CRTC3: variants seen among roughly 807,000 people sequenced by gnomAD.
CRTC3 encodes the protein CREB regulated transcription coactivator 3, also known as CREB-regulated transcription coactivator 3.
CRTC3 carries 26 observed loss-of-function variants against 74.5 expected under a neutral mutation model. That is an observed-to-expected ratio of 0.35 (90% CI 0.26 to 0.48). The LOEUF (loss-of-function observed/expected upper bound fraction) is 0.48. CRTC3 is among the 20% of genes least tolerant of loss of function. The pLI is 0.99. For missense variants in CRTC3, 760 were observed against 787.3 expected (o/e 0.97, Z 0.41); for synonymous variants, 377 against 325.8 (o/e 1.16, Z -1.69).
intron 11 of CRTC3, among the ~76,000 whole-genome samples, chr15:90,633,441 C>T (rs1386672439): frequency 6.6e-6 from 1 of 152,114 alleles, no homozygotes; most frequent in Non-Finnish European, 1.5e-5. Flanking sequence ...ATAATTTTCC[C>T]TTGGCATCTA....
At chr15:90,573,101 T>C (rs542255236) in intron 2 of CRTC3, among the ~76,000 whole-genome samples, 12 of 152,324 alleles carry the variant, frequency 7.9e-5, no homozygotes, top group African/African-American at 2.9e-4. Flanking sequence ...CTACTTTCTG[T>C]TTCTATGAAT....
chr15:90,612,233 C>G (rs778744139), intron 6 of CRTC3, among the ~76,000 whole-genome samples: 1 of 152,070 alleles, frequency 6.6e-6, no homozygotes, highest in East Asian at 1.9e-4. Flanking sequence ...CCAGAACTTA[C>G]TAGCAGTGTG....
intron 2 of CRTC3, among the ~76,000 whole-genome samples, chr15:90,591,309 A>T (rs1032450598): frequency 6.6e-6 from 1 of 151,640 alleles, no homozygotes; most frequent in East Asian, 1.9e-4. Context: ...TTGTAGAGAC[A>T]GGGTCTCACT....
intron 11 of CRTC3, among the ~76,000 whole-genome samples, chr15:90,632,851 C>T (rs1321874510): frequency 1.3e-5 from 2 of 152,200 alleles, no homozygotes; most frequent in African/African-American, 4.8e-5. Context: ...GCAGTCTGCC[C>T]GCCTCGGCGT....
chr15:90,643,397 T>C lies in CRTC3; in HGVS notation c.*1257T>C, dbSNP rs555073249. On this transcript the variant is annotated 3_prime_UTR_variant, in exon 15 of 15. Coordinates refer to ENST00000268184, the MANE Select transcript of CRTC3 (RefSeq NM_022769.5). ...AGTGAAGCCGGGCACTGCATTCTCCTTGGGCTGTGCTCCACGCGGGTGGGT... is the reference window on the plus strand; with the variant it reads ...AGTGAAGCCGGGCACTGCATTCTCCCTGGGCTGTGCTCCACGCGGGTGGGT... 119 of 228,446 alleles carry C rather than the reference T, an allele frequency of 5.2e-4. No individual in the cohort carries two copies. The highest frequency in any genetic ancestry group is 2.3e-3 in the African/African-American group (105 of 45,086). The allele number at this position is 228,446 out of a possible 1,614,324, so 14.2% of individuals were successfully genotyped here.
intron 11 of CRTC3, 123 bp downstream of exon 11, chr15:90,629,655 A>C: frequency 3.5e-6 from 3 of 865,186 alleles, no homozygotes; most frequent in South Asian, 1.7e-5. Flanking sequence ...ATGAGGTCTC[A>C]AGTGCAGTCT....
chr15:90,536,184 T>A (rs1010953807), intron 1 of CRTC3, among the ~76,000 whole-genome samples: 11 of 152,198 alleles, frequency 7.2e-5, no homozygotes, highest in Admixed American at 6.5e-5. Context: ...CTGTATATTA[T>A]AGCTTTATAA....
intron 2 of CRTC3, among the ~76,000 whole-genome samples, chr15:90,570,907 G>C (rs890805014): frequency 6.6e-6 from 1 of 152,084 alleles, no homozygotes; most frequent in East Asian, 1.9e-4. Context: ...TGACCAAAAC[G>C]ACTGTGTCTG....
chr15:90,610,776 C>T (rs577029126), intron 6 of CRTC3, among the ~76,000 whole-genome samples: 1 of 152,278 alleles, frequency 6.6e-6, no homozygotes, highest in African/African-American at 2.4e-5. Flanking sequence ...AGGACTGTCT[C>T]CTAACACCCC....
Position 90,567,284 on chromosome 15 carries a change from C to T in CRTC3, c.232-26352C>T, listed in dbSNP as rs1011446227. Among the ~76,000 whole-genome samples, 3 of 152,074 alleles carry T rather than the reference C, an allele frequency of 2.0e-5. No individual in the cohort carries two copies. In the South Asian group the frequency reaches 6.2e-4, roughly 32 times the overall value. ...TGTGTTTGCAGCATGGTTTACTGTA[C>T]ATTTTAAGCCCACTGTTGAGACCTA... On this transcript the variant is annotated intron_variant, in intron 2 of 14. Coordinates refer to ENST00000268184, the MANE Select transcript of CRTC3 (RefSeq NM_022769.5).
chr15:90,643,220 T>C lies in CRTC3; in HGVS notation c.*1080T>C, dbSNP rs780829096. The C allele has an allele frequency of 8.6e-6, 2 of 232,632 alleles. No homozygotes were observed. The highest frequency in any genetic ancestry group is 1.7e-5 in the Non-Finnish European group (2 of 117,664). The allele number at this position is 232,632 out of a possible 1,614,324, so 14.4% of individuals were successfully genotyped here. A position where few individuals can be genotyped will look rare whatever the true frequency, so the allele number is the denominator to read the frequency against. On this transcript the variant is annotated 3_prime_UTR_variant, in exon 15 of 15. Coordinates refer to ENST00000268184, the MANE Select transcript of CRTC3 (RefSeq NM_022769.5). ...GCAGAACCGTGCGTGCAGCGCATGATGAATGAGTGCGTCCGCCATGCCGTA... is the reference window on the plus strand; with the variant it reads ...GCAGAACCGTGCGTGCAGCGCATGACGAATGAGTGCGTCCGCCATGCCGTA...
In CRTC3 at chr15:90,625,890, C is replaced by T. The variant is rs1005176104; in HGVS notation, c.864C>T (p.Ala288=). ...TCCACTACTCGACACCCCTGCCAGC[C>T]TCCCTGGACACCACCGACCACCACT... ...TNLHYSTPLP[A]SLDTTDHHFG... The change falls in exon 10 of 15, where the codon GCC becomes GCT. Residue 288 remains alanine (A), a synonymous_variant. Transcript: ENST00000268184. The T allele has an allele frequency of 1.2e-6, 2 of 1,614,222 alleles. No individual in the cohort carries two copies. Among genetic ancestry groups the T allele is most frequent in the Non-Finnish European group, 1.7e-6 (2 of 1,180,040 alleles).
chr15:90,581,574 G>T (rs764377574), intron 2 of CRTC3, among the ~76,000 whole-genome samples: 5 of 151,984 alleles, frequency 3.3e-5, no homozygotes, highest in Admixed American at 3.3e-4. Context: ...AACTGAAAAG[G>T]CACCTTTAAT....
intron 9 of CRTC3, among the ~76,000 whole-genome samples, chr15:90,623,673 C>T (rs1399476716): frequency 6.6e-6 from 1 of 152,166 alleles, no homozygotes; most frequent in Non-Finnish European, 1.5e-5. Flanking sequence ...GTTAGCCACG[C>T]TGTCCTAAGA....
chr15:90,555,709 G>A (rs750113248), intron 2 of CRTC3, among the ~76,000 whole-genome samples: 1 of 151,920 alleles, frequency 6.6e-6, no homozygotes, highest in Non-Finnish European at 1.5e-5. Context: ...ATAGAGACGG[G>A]GTGTCACCAT....
At chr15:90,641,293 A>G in intron 14 of CRTC3, 94 bp downstream of exon 14, 1 of 883,608 alleles carries the variant, frequency 1.1e-6, no homozygotes, top group Non-Finnish European at 1.8e-6. Context: ...AATATTATAT[A>G]AAGCAAAAAG....
At chr15:90,531,324 G>C (rs1333339487) in intron 1 of CRTC3, among the ~76,000 whole-genome samples, 5 of 152,056 alleles carry the variant, frequency 3.3e-5, no homozygotes. Flanking sequence ...GACAGCTACC[G>C]ACCTGCTGGA....
intron 6 of CRTC3, among the ~76,000 whole-genome samples, chr15:90,608,255 C>T (rs1968276528): frequency 6.6e-6 from 1 of 152,202 alleles, no homozygotes; most frequent in East Asian, 1.9e-4. Context: ...TCATCTTGCT[C>T]TCCCACTTAA....
At chr15:90,573,028 C>G (rs1186680045) in intron 2 of CRTC3, among the ~76,000 whole-genome samples, 1 of 152,188 alleles carries the variant, frequency 6.6e-6, no homozygotes, top group African/African-American at 2.4e-5. Context: ...TCTTGCAAAG[C>G]AGAAACTCTG....
Sources: allele counts gnomAD v4.1 joint callset (sites outside exome capture counted in the v4.1 genomes callset), GRCh38; gene constraint gnomAD v4.1.1; transcripts MANE v1.5; gene names NCBI Gene and HGNC (gene_info 2026-07-23, HGNC 2026-07-21).